Variants in PTPRK observed in about 807,000 individuals in gnomAD.
PTPRK encodes receptor-type tyrosine-protein phosphatase kappa.
Under a neutral mutation model 178.0 loss-of-function variants are expected in PTPRK, and 75 were observed. The observed-to-expected ratio is 0.42, with a 90% CI of 0.35 to 0.51. The LOEUF is 0.51. Among genes scored for constraint, PTPRK ranks in the 20% least tolerant of loss-of-function variants. The pLI is 0.02. For synonymous variants in PTPRK, 637 were observed against 620.6 expected, an observed-to-expected ratio of 1.03 and a Z score of -0.39; for missense variants, 1,441 against 1,797.8, an observed-to-expected ratio of 0.80 and a Z score of 3.59.
intron 7 of PTPRK, among the ~76,000 whole-genome samples, chr6:128,160,723 T>A (rs1256977198): frequency 1.3e-5 from 2 of 151,556 alleles, no homozygotes; most frequent in Non-Finnish European, 3.0e-5. Flanking sequence ...CACAGTGCAC[T>A]GCAAATAATA....
Position 128,078,821 on chromosome 6 carries a change from A to G in PTPRK, c.1875T>C (p.Ala625=). Residue 625 remains alanine (A), a synonymous_variant, in exon 11 of 30, where the codon GCT becomes GCC. Coordinates refer to ENST00000368226, the MANE Select transcript of PTPRK (RefSeq NM_002844.4). ...VLLRPAQAKG[A]PISAYQIVVE... is the part of the protein sequence containing the mutation. ...TAGTTTTCTCCTCTTACCTGATAGG[A>G]GCACCTTTGGCTTGTGCTGGTCTCA... 1 of 1,607,402 alleles carries G rather than the reference A, an allele frequency of 6.2e-7. No individual in the cohort carries two copies. Among genetic ancestry groups the G allele is most frequent in the South Asian group, 1.1e-5 (1 of 90,882 alleles).
chr6:128,448,881 A>G (rs1847383646), intron 1 of PTPRK, among the ~76,000 whole-genome samples: 1 of 152,160 alleles, frequency 6.6e-6, no homozygotes, highest in Admixed American at 6.5e-5. Context: ...TTTTTTTGAG[A>G]AAGAGTCTCG....
At position 128,160,756 on chromosome 6, in the gene PTPRK, TTAA is replaced by T. The variant is rs1216660037; in HGVS notation, c.1162+23673_1162+23675del. ...ATAAATAATATGTTAGAAATAAGTA[TTAA>T]TAATATGTATTTTAATATAAATTTA... On this transcript the variant is annotated intron_variant, in intron 7 of 29. Transcript: ENST00000368226. Among the ~76,000 whole-genome samples, 17 of 151,444 alleles carry T rather than the reference TTAA, an allele frequency of 1.1e-4. No individual in the cohort carries two copies. In the South Asian group the frequency reaches 3.1e-3, roughly 28 times the overall value.
At chr6:128,299,401 C>T (rs1403393760) in intron 3 of PTPRK, among the ~76,000 whole-genome samples, 11 of 151,588 alleles carry the variant, frequency 7.3e-5, no homozygotes, top group Admixed American at 6.6e-5. Flanking sequence ...CAAAAAAGAG[C>T]CCGCACTGCC....
intron 1 of PTPRK, among the ~76,000 whole-genome samples, chr6:128,506,709 C>A (rs1410204025): frequency 7.2e-6 from 1 of 139,786 alleles, no homozygotes; most frequent in African/African-American, 2.6e-5. Context: ...TAACCTCTAA[C>A]ATAAAAAAAG....
At chr6:128,459,525 A>T (rs569411549) in intron 1 of PTPRK, among the ~76,000 whole-genome samples, 71 of 152,292 alleles carry the variant, frequency 4.7e-4, no homozygotes, top group African/African-American at 1.7e-3. Context: ...AGCAAATACA[A>T]ATGGAGTCAT....
chr6:128,375,184 T>C (rs1320423958), intron 2 of PTPRK, among the ~76,000 whole-genome samples: 1 of 151,262 alleles, frequency 6.6e-6, no homozygotes, highest in Non-Finnish European at 1.5e-5. Flanking sequence ...CCCAAGTGCC[T>C]GGAAGAATAC....
intron 7 of PTPRK, among the ~76,000 whole-genome samples, chr6:128,118,429 ATTTTACAC>A (rs1791915982): frequency 6.6e-6 from 1 of 152,210 alleles, no homozygotes; most frequent in African/African-American, 2.4e-5. Flanking sequence ...AGAATGCTGA[ATTTTACAC>A]ACCACTTTTT....
intron 1 of PTPRK, among the ~76,000 whole-genome samples, chr6:128,398,993 A>G (rs1308543945): frequency 6.6e-6 from 1 of 152,176 alleles, no homozygotes; most frequent in Non-Finnish European, 1.5e-5. Context: ...GAACTGGCCT[A>G]TATGTCTCAT....
At chr6:128,459,497 T>G (rs987204785) in intron 1 of PTPRK, among the ~76,000 whole-genome samples, 1 of 152,136 alleles carries the variant, frequency 6.6e-6, no homozygotes, top group African/African-American at 2.4e-5. Flanking sequence ...AAGCTGCTAC[T>G]AAAACACAGA....
chr6:128,175,436 C>T (rs999518885), intron 7 of PTPRK, among the ~76,000 whole-genome samples: 7 of 151,606 alleles, frequency 4.6e-5, no homozygotes, highest in Admixed American at 2.0e-4. Flanking sequence ...TGGCCAATAG[C>T]GGGAGTTAGT....
At chr6:127,987,245 C>A (rs563170688) in intron 21 of PTPRK, among the ~76,000 whole-genome samples, 6 of 141,666 alleles carry the variant, frequency 4.2e-5, no homozygotes, top group African/African-American at 1.7e-4. Flanking sequence ...AAAAAAACAA[C>A]CCCCCCCATT....
At chr6:127,999,883 A>AT (rs1470375186) in intron 15 of PTPRK, 3 of 801,090 alleles carry the variant, frequency 3.7e-6, no homozygotes, top group Admixed American at 6.3e-5. Flanking sequence ...ACCACTCACA[A>AT]TTAAGCGTAA....
At chr6:128,032,067 T>C (rs1288262000) in intron 13 of PTPRK, among the ~76,000 whole-genome samples, 1 of 152,218 alleles carries the variant, frequency 6.6e-6, no homozygotes, top group Non-Finnish European at 1.5e-5. Flanking sequence ...CAAGTGCTTC[T>C]GGTTTGCTGT....
intron 5 of PTPRK, among the ~76,000 whole-genome samples, chr6:128,235,186 A>G (rs1024179835): frequency 4.8e-4 from 73 of 152,296 alleles, no homozygotes; most frequent in African/African-American, 1.6e-3. Context: ...AAAATAATTC[A>G]AGAATATTAA....
intron 2 of PTPRK, among the ~76,000 whole-genome samples, chr6:128,385,766 T>C (rs769889028): frequency 1.2e-4 from 18 of 152,150 alleles, no homozygotes; most frequent in Non-Finnish European, 1.8e-4. Context: ...CTGGCCTCAA[T>C]AGAAAGTCAA....
intron 1 of PTPRK, among the ~76,000 whole-genome samples, chr6:128,443,472 T>C (rs1206360514): frequency 6.6e-6 from 1 of 152,130 alleles, no homozygotes; most frequent in East Asian, 1.9e-4. Flanking sequence ...ATTATCATAT[T>C]ATAATCCAAA....
intron 1 of PTPRK, among the ~76,000 whole-genome samples, chr6:128,406,393 T>C (rs1428711236): frequency 6.6e-6 from 1 of 152,218 alleles, no homozygotes; most frequent in African/African-American, 2.4e-5. Flanking sequence ...TTTTCAAACT[T>C]CTTAAAACAC....
In PTPRK at chr6:127,976,741, A is replaced by G; in HGVS notation, c.3885T>C (p.Tyr1295=). ...ACATACATTCCACTTGGATGGGGCC[A>G]TATCGTAGCATCCCTTCCTCTGGCC... The part of the protein sequence containing the change: ...QYWPEEGMLR[Y]GPIQVECMSC... Residue 1295 remains tyrosine (Y), a synonymous_variant, in exon 27 of 30, where the codon TAT becomes TAC. Transcript: ENST00000368226. 6.2e-7 allele frequency: 1 copy of G among 1,614,010 alleles called. No homozygotes were observed. The highest frequency in any genetic ancestry group is 8.5e-7 in the Non-Finnish European group (1 of 1,179,928).
Sources: allele counts gnomAD v4.1 joint callset (sites outside exome capture counted in the v4.1 genomes callset), GRCh38; gene constraint gnomAD v4.1.1; transcripts MANE v1.5; gene names NCBI Gene and HGNC (gene_info 2026-07-23, HGNC 2026-07-21).